The following CCDC91 variants were observed in gnomAD, a reference collection of about 807,000 sequenced individuals.
CCDC91 encodes the protein coiled-coil domain containing 91, also known as coiled-coil domain-containing protein 91.
A neutral mutation model predicts 63.2 loss-of-function variants in CCDC91; 48 were observed. That is an observed-to-expected ratio of 0.76 (90% CI 0.60 to 0.97). CCDC91 has a LOEUF of 0.97. Ranked by LOEUF, CCDC91 falls within the 50% of genes least tolerant of loss-of-function variation. The pLI, the probability that CCDC91 is intolerant of heterozygous loss-of-function variation, is 0.00. For synonymous variants in CCDC91, 167 were observed against 165.8 expected (o/e 1.01, Z -0.06); for missense variants, 500 against 494.6 (o/e 1.01, Z -0.10).
rs369767546 is a variant in CCDC91, at chr12:28,527,150, C to G, written c.1216-21913C>G. On this transcript the variant is annotated intron_variant, in intron 12 of 12. Coordinates refer to ENST00000536442, the MANE Select transcript of CCDC91 (RefSeq NM_018318.5). Reference sequence around the variant, plus strand: ...TTGGTCTGGATTCATATTTGGTGAGCTAGTGTGATTTTTAGGGGGTGTTAA... The same window carrying G: ...TTGGTCTGGATTCATATTTGGTGAGGTAGTGTGATTTTTAGGGGGTGTTAA... Among the ~76,000 whole-genome samples, 9 of 152,148 alleles carry G rather than the reference C, an allele frequency of 5.9e-5. No homozygotes were observed. In the South Asian group the frequency reaches 6.2e-4, roughly 11 times the overall value.
At chr12:28,346,169 G>A (rs758160772) in intron 6 of CCDC91, among the ~76,000 whole-genome samples, 2 of 152,048 alleles carry the variant, frequency 1.3e-5, no homozygotes, top group African/African-American at 2.4e-5. Context: ...GTGTCCTGGC[G>A]CTATGCTGGT....
At chr12:28,330,984 C>T (rs1217020738) in intron 6 of CCDC91, among the ~76,000 whole-genome samples, 1 of 152,064 alleles carries the variant, frequency 6.6e-6, no homozygotes, top group Non-Finnish European at 1.5e-5. Context: ...TGATTTTTTG[C>T]CTGCTCTTTT....
chr12:28,519,431 GA>G (rs1940335566), intron 12 of CCDC91, among the ~76,000 whole-genome samples: 1 of 151,988 alleles, frequency 6.6e-6, no homozygotes, highest in African/African-American at 2.4e-5. Flanking sequence ...GGAAACTGTT[GA>G]CTTTTGTCAG....
intron 6 of CCDC91, among the ~76,000 whole-genome samples, chr12:28,341,482 TC>T (rs1344881759): frequency 6.6e-6 from 1 of 152,338 alleles, no homozygotes; most frequent in Admixed American, 6.5e-5. Context: ...ACCAGAATAA[TC>T]CAGGATAATC....
At chr12:28,372,187 A>G (rs1309438385) in intron 7 of CCDC91, among the ~76,000 whole-genome samples, 6 of 152,180 alleles carry the variant, frequency 3.9e-5, no homozygotes, top group Admixed American at 2.6e-4. Context: ...ATTCTGTTAC[A>G]TTGGTCTAAG....
intron 3 of CCDC91, among the ~76,000 whole-genome samples, chr12:28,272,170 A>G (rs903914445): frequency 1.3e-4 from 20 of 151,874 alleles, no homozygotes; most frequent in Non-Finnish European, 2.2e-4. Context: ...ATTTAACACT[A>G]TGTAATTGTT....
intron 1 of CCDC91, among the ~76,000 whole-genome samples, chr12:28,210,447 C>G (rs1390369027): frequency 6.6e-6 from 1 of 152,058 alleles, no homozygotes; most frequent in Non-Finnish European, 1.5e-5. Context: ...ACTGCACAGA[C>G]AGAAGATTAT....
chr12:28,444,503 A>G (rs770399535), intron 8 of CCDC91, among the ~76,000 whole-genome samples: 1 of 152,194 alleles, frequency 6.6e-6, no homozygotes, highest in Non-Finnish European at 1.5e-5. Context: ...TGCAGCCATT[A>G]AAAAGACAAG....
chr12:28,466,213 A>T (rs1255790734), intron 11 of CCDC91, among the ~76,000 whole-genome samples: 1 of 152,206 alleles, frequency 6.6e-6, no homozygotes, highest in Non-Finnish European at 1.5e-5. Context: ...TCCAGGATTT[A>T]GAAAATAGCC....
chr12:28,287,079 A>G (rs1203403973), intron 3 of CCDC91, among the ~76,000 whole-genome samples: 1 of 151,758 alleles, frequency 6.6e-6, no homozygotes, highest in Non-Finnish European at 1.5e-5. Flanking sequence ...GTAAATGTGT[A>G]TAAGTTCCTT....
At chr12:28,269,033 AC>A (rs1369044477) in intron 3 of CCDC91, among the ~76,000 whole-genome samples, 2 of 152,166 alleles carry the variant, frequency 1.3e-5, no homozygotes, top group Non-Finnish European at 2.9e-5. Flanking sequence ...GACTTACAGG[AC>A]AAGTACAACC....
At chr12:28,373,238 T>TA (rs1402828356) in intron 7 of CCDC91, among the ~76,000 whole-genome samples, 1 of 152,220 alleles carries the variant, frequency 6.6e-6, no homozygotes, top group African/African-American at 2.4e-5. Context: ...CACTATGAGT[T>TA]ATTTTTATCC....
At chr12:28,208,883 C>T (rs900054573) in intron 1 of CCDC91, among the ~76,000 whole-genome samples, 3 of 152,160 alleles carry the variant, frequency 2.0e-5, no homozygotes, top group Non-Finnish European at 2.9e-5. Flanking sequence ...TCACTGCAAG[C>T]TCTGCCTCCC....
At chr12:28,248,349 A>G (rs995646852) in intron 1 of CCDC91, among the ~76,000 whole-genome samples, 9 of 152,148 alleles carry the variant, frequency 5.9e-5, no homozygotes, top group Non-Finnish European at 8.8e-5. Context: ...AAACACATCT[A>G]AATTAGAGAT....
intron 3 of CCDC91, among the ~76,000 whole-genome samples, chr12:28,278,724 C>T (rs1948407382): frequency 1.3e-5 from 2 of 152,116 alleles, no homozygotes; most frequent in African/African-American, 4.8e-5. Context: ...GACTCTGTAG[C>T]TTTTAATATG....
Position 28,432,704 on chromosome 12 carries a change from A to G in CCDC91, c.763-17457A>G, listed in dbSNP as rs113157720. On this transcript the variant is annotated intron_variant, in intron 8 of 12. Coordinates refer to ENST00000536442, the MANE Select transcript of CCDC91 (RefSeq NM_018318.5). ...ACATCCATGTGCATGTTTTTTGTGG[A>G]CATGAGTTTTCAACTTATTTGGGTA... is the stretch of plus-strand genomic sequence containing the variant. Among the ~76,000 whole-genome samples the G allele has an allele frequency of 1.1e-4, 17 of 152,276 alleles. 1 individual carries two copies. The highest frequency in any genetic ancestry group is 4.1e-4 in the African/African-American group (17 of 41,586).
chr12:28,405,989 C>G (rs1490820072), intron 8 of CCDC91, among the ~76,000 whole-genome samples: 1 of 152,100 alleles, frequency 6.6e-6, no homozygotes, highest in African/African-American at 2.4e-5. Flanking sequence ...AGTAACTACC[C>G]TATGCATCCC....
At chr12:28,209,640 A>G (rs1943094383) in intron 1 of CCDC91, among the ~76,000 whole-genome samples, 1 of 152,128 alleles carries the variant, frequency 6.6e-6, no homozygotes, top group Non-Finnish European at 1.5e-5. Context: ...CATGTTGACC[A>G]GGCTGGTCTT....
chr12:28,516,209 A>T (rs568317992), intron 12 of CCDC91, among the ~76,000 whole-genome samples: 9 of 151,984 alleles, frequency 5.9e-5, no homozygotes, highest in East Asian at 1.9e-4. Flanking sequence ...TAATGATTTT[A>T]AAAAAAATCA....
Sources: gnomAD v4.1 joint callset for allele counts (sites outside exome capture counted in the v4.1 genomes callset) on GRCh38, gnomAD v4.1.1 for gene constraint, MANE v1.5 for transcripts, NCBI Gene and HGNC (gene_info 2026-07-23, HGNC 2026-07-21) for gene names.